Variants in MTUS2 observed in about 807,000 individuals in gnomAD.
MTUS2 encodes the protein microtubule-associated tumor suppressor candidate 2.
In MTUS2, 40 loss-of-function variants were observed where a neutral mutation model predicts 114.1. The ratio of observed to expected loss-of-function variants is 0.35; its 90% confidence interval spans 0.27 to 0.46. The LOEUF (loss-of-function observed/expected upper bound fraction) is 0.46. Among genes scored for constraint, MTUS2 ranks in the 20% least tolerant of loss-of-function variants. The probability of loss-of-function intolerance (pLI) is 1.00; values close to 1 mark genes in which losing one functional copy is unlikely to be tolerated. For missense variants in MTUS2, 1,679 were observed against 1,705.4 expected, an observed-to-expected ratio of 0.98 and a Z score of 0.27; for synonymous variants, 688 against 672.0, an observed-to-expected ratio of 1.02 and a Z score of -0.37.
chr13:29,272,845 A>G (rs893867134), intron 5 of MTUS2, among the ~76,000 whole-genome samples: 1 of 152,222 alleles, frequency 6.6e-6, no homozygotes, highest in Non-Finnish European at 1.5e-5. Context: ...TTAATACAGA[A>G]CAGAAACTTA....
At chr13:29,490,593 G>T (rs1881991956) in intron 11 of MTUS2, among the ~76,000 whole-genome samples, 1 of 152,266 alleles carries the variant, frequency 6.6e-6, no homozygotes, top group African/African-American at 2.4e-5. Flanking sequence ...GAACAGAATT[G>T]TTTCAAACCC....
At chr13:29,190,032 G>A (rs1566056369) in intron 5 of MTUS2, among the ~76,000 whole-genome samples, 1 of 152,108 alleles carries the variant, frequency 6.6e-6, no homozygotes, top group South Asian at 2.1e-4. Flanking sequence ...GTGAAAAGAT[G>A]GCTAGGCTGT....
chr13:29,332,593 C>T (rs1302637193), intron 7 of MTUS2, among the ~76,000 whole-genome samples: 2 of 149,576 alleles, frequency 1.3e-5, no homozygotes, highest in African/African-American at 4.9e-5. Context: ...TTCTTGTCTT[C>T]TGCTAGCTTT....
chr13:29,364,131 G>A (rs1472953789), intron 8 of MTUS2, among the ~76,000 whole-genome samples: 1 of 152,112 alleles, frequency 6.6e-6, no homozygotes, highest in South Asian at 2.1e-4. Context: ...ACGCACAATT[G>A]CAAAACAGGT....
chr13:29,463,649 CT>C (rs1879678003), intron 9 of MTUS2, among the ~76,000 whole-genome samples: 1 of 152,096 alleles, frequency 6.6e-6, no homozygotes, highest in Non-Finnish European at 1.5e-5. Context: ...GCTCTGCCTC[CT>C]GAGCCCACAC....
chr13:28,938,005 A>T (rs1454183586), intron 2 of MTUS2, among the ~76,000 whole-genome samples: 1 of 152,184 alleles, frequency 6.6e-6, no homozygotes, highest in Admixed American at 6.5e-5. Context: ...CGGAATGAGG[A>T]TGCTTCCCTA....
At chr13:28,924,012 T>C (rs987696556) in intron 2 of MTUS2, among the ~76,000 whole-genome samples, 6 of 152,158 alleles carry the variant, frequency 3.9e-5, no homozygotes, top group East Asian at 1.9e-4. Flanking sequence ...TAGTCACTTA[T>C]TGTCTGCAGG....
intron 2 of MTUS2, among the ~76,000 whole-genome samples, chr13:28,864,598 A>G (rs2034923441): frequency 6.6e-6 from 1 of 152,248 alleles, no homozygotes; most frequent in Non-Finnish European, 1.5e-5. Flanking sequence ...GCCAAGCTAA[A>G]TTAAGAAGGT....
intron 5 of MTUS2, among the ~76,000 whole-genome samples, chr13:29,153,741 C>CT (rs1370767536): frequency 1.3e-5 from 2 of 152,322 alleles, no homozygotes; most frequent in South Asian, 2.1e-4. Flanking sequence ...TCTTTTCCTC[C>CT]TACTTCTCTT....
chr13:29,024,652 C>G lies in MTUS2; in HGVS notation c.-47C>G. On this transcript the variant is annotated 5_prime_UTR_variant, in exon 3 of 16. Coordinates refer to ENST00000612955, the MANE Select transcript of MTUS2 (RefSeq NM_001033602.4). ...ATTGCAGCTTGAAGGCAGCCCATTTCCATTAAGTAGGACTGCATGGCAAGC... is the reference window on the plus strand; with the variant it reads ...ATTGCAGCTTGAAGGCAGCCCATTTGCATTAAGTAGGACTGCATGGCAAGC... The G allele has an allele frequency of 1.3e-6, 2 of 1,585,076 alleles. No homozygotes were observed. Among genetic ancestry groups the G allele is most frequent in the East Asian group, 4.5e-5 (2 of 44,712 alleles).
At chr13:28,860,928 C>G (rs1029040929) in intron 2 of MTUS2, among the ~76,000 whole-genome samples, 1 of 152,176 alleles carries the variant, frequency 6.6e-6, no homozygotes, top group Non-Finnish European at 1.5e-5. Context: ...GGCAGACAGT[C>G]CCTTGCTAGT....
intron 6 of MTUS2, among the ~76,000 whole-genome samples, chr13:29,293,297 T>G (rs1343684141): frequency 6.6e-6 from 1 of 152,168 alleles, no homozygotes; most frequent in Admixed American, 6.5e-5. Flanking sequence ...TGAATGCATA[T>G]TTTACACACT....
intron 8 of MTUS2, among the ~76,000 whole-genome samples, chr13:29,381,794 C>T (rs367547136): frequency 6.6e-6 from 1 of 152,134 alleles, no homozygotes; most frequent in Non-Finnish European, 1.5e-5. Context: ...TCTGCACAGA[C>T]CCTTTCTCTG....
chr13:28,899,603 G>C (rs1403000997), intron 2 of MTUS2, among the ~76,000 whole-genome samples: 3 of 151,964 alleles, frequency 2.0e-5, no homozygotes, highest in Non-Finnish European at 4.4e-5. Context: ...GTAGAGACGG[G>C]GTTTCACCCT....
rs1886580619 is a variant in MTUS2 at position 29,026,801 on chromosome 13, A to G, written c.2103A>G (p.Pro701=). The G allele has an allele frequency of 6.2e-7, 1 of 1,613,058 alleles. No individual in the cohort carries two copies. The highest frequency in any genetic ancestry group is 1.3e-5 in the African/African-American group (1 of 74,938). The change falls in exon 3 of 16, where the codon CCA becomes CCG. Residue 701 remains proline (P), a synonymous_variant. Transcript: ENST00000612955. ...CCAACCTCTATGAGAAATTCAAGCC[A>G]GACCTGCAGAAGCCAAGGGTCTTCA... ...PSANLYEKFK[P]DLQKPRVFSS...
upstream of MTUS2, among the ~76,000 whole-genome samples, chr13:28,819,991 G>A (rs1220198536): frequency 2.7e-5 from 4 of 147,092 alleles, no homozygotes; most frequent in Admixed American, 1.4e-4. Flanking sequence ...CCGGGAGGGG[G>A]TGCGCGCATC....
chr13:29,248,259 G>A (rs1365691395), intron 5 of MTUS2, among the ~76,000 whole-genome samples: 1 of 151,966 alleles, frequency 6.6e-6, no homozygotes, highest in African/African-American at 2.4e-5. Context: ...GGGTGGGAGG[G>A]GGGTCATGGA....
chr13:29,082,484 T>C (rs1421643554), intron 4 of MTUS2, among the ~76,000 whole-genome samples: 1 of 152,182 alleles, frequency 6.6e-6, no homozygotes, highest in Non-Finnish European at 1.5e-5. Flanking sequence ...AAGTGGCTCC[T>C]TACATAGCCA....
chr13:28,968,515 T>G (rs2138243425), intron 2 of MTUS2, among the ~76,000 whole-genome samples: 1 of 152,334 alleles, frequency 6.6e-6, no homozygotes, highest in African/African-American at 2.4e-5. Flanking sequence ...AATTAAATCT[T>G]GATTTAATAA....
Sources: gnomAD v4.1 joint callset for allele counts (sites outside exome capture counted in the v4.1 genomes callset) on GRCh38, gnomAD v4.1.1 for gene constraint, MANE v1.5 for transcripts, NCBI Gene and HGNC (gene_info 2026-07-23, HGNC 2026-07-21) for gene names.